DNAH6: variants seen among roughly 807,000 people sequenced by gnomAD.
The protein encoded by DNAH6 is dynein axonemal heavy chain 6.
In DNAH6, 340 loss-of-function variants were observed where a neutral mutation model predicts 491.4. That is an observed-to-expected ratio of 0.69 (90% CI 0.63 to 0.76). The LOEUF is 0.76. Ranked by LOEUF, DNAH6 falls within the 30% of genes least tolerant of loss-of-function variation. The pLI, the probability that DNAH6 is intolerant of heterozygous loss-of-function variation, is 0.00. For synonymous variants in DNAH6, 1,603 were observed against 1,686.1 expected, an observed-to-expected ratio of 0.95 and a Z score of 1.21; for missense variants, 4,443 against 4,972.2, an observed-to-expected ratio of 0.89 and a Z score of 3.20.
At chr2:84,813,003 G>T in intron 73 of DNAH6, 55 bp from the exon 74 acceptor site, 1 of 1,471,654 alleles carries the variant, frequency 6.8e-7, no homozygotes, top group Non-Finnish European at 9.3e-7. Flanking sequence ...CTTTGCTTTA[G>T]AAAACAAATT....
chr2:84,657,091 C>T (rs934014789), intron 35 of DNAH6, among the ~76,000 whole-genome samples: 1 of 151,926 alleles, frequency 6.6e-6, no homozygotes, highest in South Asian at 2.1e-4. Context: ...AAAGACTGTC[C>T]TTTCTCCATC....
rs149725294 is a variant in DNAH6 at position 84,577,391 on chromosome 2, C to A, written c.2059C>A (p.Pro687Thr). 823 of 1,601,582 alleles carry A rather than the reference C, an allele frequency of 5.1e-4. 1 individual carries two copies. The highest frequency in any genetic ancestry group is 6.7e-4 in the Non-Finnish European group (786 of 1,175,202). The change falls in exon 13 of 77, where the codon CCT becomes ACT. Residue 687 changes from proline (P) to threonine (T), a missense_variant. Pro to Thr is a conservative substitution (Grantham distance 38). Coordinates refer to ENST00000389394, the MANE Select transcript of DNAH6 (RefSeq NM_001370.2). ...TCTAAGAGAAAAATTAATTCCATCA[C>A]CTTTGCGATGCTTAGAGGTAACTAT... ...RLLREKLIPS[P>T]LRCLEVLNFM...
chr2:84,707,880 G>C (rs1696631733), intron 54 of DNAH6, among the ~76,000 whole-genome samples, 164 bp downstream of exon 54: 1 of 152,180 alleles, frequency 6.6e-6, no homozygotes, highest in South Asian at 2.1e-4. Context: ...ATAAGCCAGT[G>C]ATGGTCTACC....
chr2:84,761,834 G>A (rs189359529), intron 63 of DNAH6, among the ~76,000 whole-genome samples: 1 of 149,704 alleles, frequency 6.7e-6, no homozygotes, highest in East Asian at 1.9e-4. Flanking sequence ...AATAAGGCTT[G>A]TTTGGACAGA....
chr2:84,595,765 CA>C lies in DNAH6; in HGVS notation c.2846del (p.Lys949ArgfsTer5). ...PNSVVPQLKY[K>X]VEKMKEKLPV... ...ACAGTGTAGTGCCCCAGCTCAAATA[CA>C]AGGTGGAAAAAATGAAAGAAAAGGT... On this transcript the variant is annotated frameshift_variant, in exon 18 of 77. Coordinates refer to ENST00000389394, the MANE Select transcript of DNAH6 (RefSeq NM_001370.2). LOFTEE classifies it high-confidence loss of function. The C allele has an allele frequency of 1.3e-6, 2 of 1,544,286 alleles. No individual in the cohort carries two copies. The highest frequency in any genetic ancestry group is 4.1e-5 in the Admixed American group (2 of 49,358).
At chr2:84,702,320 T>A (rs547007386) in intron 49 of DNAH6, among the ~76,000 whole-genome samples, 1 of 152,330 alleles carries the variant, frequency 6.6e-6, no homozygotes, top group East Asian at 1.9e-4. Context: ...TTCCTGAAAC[T>A]ATGATCTGAC....
chr2:84,638,562 A>G (rs1689087377), intron 31 of DNAH6, among the ~76,000 whole-genome samples: 1 of 152,218 alleles, frequency 6.6e-6, no homozygotes, highest in South Asian at 2.1e-4. Flanking sequence ...CCTTTGGCTA[A>G]TAAATTCCTG....
intron 11 of DNAH6, among the ~76,000 whole-genome samples, chr2:84,569,714 G>C (rs1405592227): frequency 6.6e-6 from 1 of 152,134 alleles, no homozygotes; most frequent in Non-Finnish European, 1.5e-5. Context: ...AGTGGTATTA[G>C]TGTATTCGCA....
chr2:84,698,259 C>G (rs1695573796), intron 47 of DNAH6, among the ~76,000 whole-genome samples: 1 of 152,164 alleles, frequency 6.6e-6, no homozygotes, highest in Non-Finnish European at 1.5e-5. Flanking sequence ...TCTGGCTGTT[C>G]TTTCTTATAT....
chr2:84,746,048 A>T (rs1262010848), intron 63 of DNAH6, among the ~76,000 whole-genome samples: 3 of 152,208 alleles, frequency 2.0e-5, no homozygotes, highest in Non-Finnish European at 4.4e-5. Flanking sequence ...GCCAAAGGGG[A>T]TAGTTGTGCC....
chr2:84,634,771 T>TG, intron 30 of DNAH6, 130 bp downstream of exon 30: 1 of 1,157,984 alleles, frequency 8.6e-7, no homozygotes, highest in Non-Finnish European at 1.1e-6. Flanking sequence ...AAGGGGACCT[T>TG]GGCTCTCCAG....
At chr2:84,668,810 CTGTGTGTGTG>C (rs766203821) in intron 37 of DNAH6, among the ~76,000 whole-genome samples, 1 of 120,976 alleles carries the variant, frequency 8.3e-6, no homozygotes, top group Non-Finnish European at 1.7e-5. Context: ...AGCCATCCCT[CTGTGTGTGTG>C]TGTGTGTGTG....
In DNAH6 at chr2:84,557,853, G is replaced by A. The variant is rs761847218; in HGVS notation, c.1721G>A (p.Gly574Glu). ...CCTTATATTAACAACAAACTTGAAGGAAAAACCTGTGGAACTGGGCCAAGT... is the reference window on the plus strand; with the variant it reads ...CCTTATATTAACAACAAACTTGAAGAAAAAACCTGTGGAACTGGGCCAAGT... ...TSPYINNKLE[G>E]KTCGTGPSLA... is the part of the protein sequence containing the mutation. The change falls in exon 11 of 77, where the codon GGA becomes GAA. Residue 574 changes from glycine to glutamate, a missense_variant. By Grantham distance (98) the Gly-to-Glu change is moderately conservative. Coordinates refer to ENST00000389394, the MANE Select transcript of DNAH6 (RefSeq NM_001370.2). 1 of 1,612,938 alleles carries A rather than the reference G, an allele frequency of 6.2e-7. No homozygotes were observed. Among genetic ancestry groups the A allele is most frequent in the Non-Finnish European group, 8.5e-7 (1 of 1,179,422 alleles).
intron 33 of DNAH6, among the ~76,000 whole-genome samples, chr2:84,645,234 A>G (rs1036243005): frequency 6.6e-6 from 1 of 152,164 alleles, no homozygotes; most frequent in Non-Finnish European, 1.5e-5. Flanking sequence ...AGCCTGACCA[A>G]TATGGTGAAA....
intron 33 of DNAH6, among the ~76,000 whole-genome samples, chr2:84,651,539 C>A (rs1233811168): frequency 6.6e-6 from 1 of 151,364 alleles, no homozygotes; most frequent in Non-Finnish European, 1.5e-5. Flanking sequence ...TGGGCTGCCC[C>A]TTTCCTGGGC....
chr2:84,494,219 T>C, the DNAH6 span, among the ~76,000 whole-genome samples: 1,681 of 152,286 alleles, frequency 0.011, 28 homozygotes, highest in African/African-American at 0.037. Flanking sequence ...GGTCTCTCTC[T>C]GAGAGCTCAG....
At chr2:84,674,637 T>C (rs1282874171) in intron 40 of DNAH6, among the ~76,000 whole-genome samples, 5 of 152,166 alleles carry the variant, frequency 3.3e-5, no homozygotes, top group African/African-American at 1.2e-4. Context: ...AAAGCAGTCT[T>C]TTGCATATAA....
the DNAH6 span, among the ~76,000 whole-genome samples, chr2:84,500,783 G>A: frequency 6.6e-6 from 1 of 151,954 alleles, no homozygotes; most frequent in Non-Finnish European, 1.5e-5. Flanking sequence ...ATTTATTTGT[G>A]GCTATTATAA....
At chr2:84,591,126 G>A (rs1174450996) in intron 16 of DNAH6, among the ~76,000 whole-genome samples, 1 of 152,124 alleles carries the variant, frequency 6.6e-6, no homozygotes, top group Non-Finnish European at 1.5e-5. Flanking sequence ...ACTGCTCAAG[G>A]GACAAACTTC....
Sources: gnomAD v4.1 joint callset for allele counts (sites outside exome capture counted in the v4.1 genomes callset) on GRCh38, gnomAD v4.1.1 for gene constraint, MANE v1.5 for transcripts, NCBI Gene and HGNC (gene_info 2026-07-23, HGNC 2026-07-21) for gene names.